Variants in TSPEAR observed in about 807,000 individuals in gnomAD.
TSPEAR encodes thrombospondin type laminin G domain and EAR repeats, also known as thrombospondin-type laminin G domain and EAR repeat-containing protein.
A neutral mutation model predicts 71.6 loss-of-function variants in TSPEAR; 69 were observed. The observed-to-expected ratio is 0.96, with a 90% CI of 0.79 to 1.18. The LOEUF (loss-of-function observed/expected upper bound fraction) is 1.18. TSPEAR is among the 50% of genes most tolerant of loss of function. The probability of loss-of-function intolerance (pLI) is 0.00; values close to 1 mark genes in which losing one functional copy is unlikely to be tolerated. For missense variants in TSPEAR, 971 were observed against 894.9 expected (o/e 1.09, Z -1.09); for synonymous variants, 402 against 387.2 (o/e 1.04, Z -0.45).
chr21:44,625,494 C>T (rs782457494), intron 1 of TSPEAR, among the ~76,000 whole-genome samples: 5 of 152,262 alleles, frequency 3.3e-5, no homozygotes, highest in Admixed American at 6.5e-5. Flanking sequence ...ATGATTGAAG[C>T]GTATCATAAA....
In TSPEAR at chr21:44,509,515, GGGCGCAGA is replaced by G. The variant is rs1555912377; in HGVS notation, c.1567-137_1567-130del. Reference sequence around the variant, plus strand: ...AGGGGGCGCAGAGGTGTGGGGGAGGGGGCGCAGAGGTGTGGGTGAGCGGGCGCAGAGGT... The same window carrying G: ...AGGGGGCGCAGAGGTGTGGGGGAGGGGGTGTGGGTGAGCGGGCGCAGAGGT... On this transcript the variant is annotated intron_variant, in intron 9 of 11. Coordinates refer to ENST00000323084, the MANE Select transcript of TSPEAR (RefSeq NM_144991.3). The G allele has an allele frequency of 9.6e-6, 5 of 520,932 alleles. No homozygotes were observed. The African/African-American group carries it at 1.3e-4, about 13-fold the overall frequency. 32.3% of individuals were successfully genotyped at this position (520,932 alleles called of 1,614,324 possible).
chr21:44,644,355 C>T lies in TSPEAR; in HGVS notation c.82+67078G>A, dbSNP rs188171710. On this transcript the variant is annotated intron_variant, in intron 1 of 11. Coordinates refer to ENST00000323084, the MANE Select transcript of TSPEAR (RefSeq NM_144991.3). ...ACCCTAGACTTCCTGGCTTTCCTAT[C>T]ATCTCCTGAAAGCATCACCAAGTCC... Among the ~76,000 whole-genome samples the T allele has an allele frequency of 8.5e-4, 129 of 152,298 alleles. 1 individual carries two copies. Among genetic ancestry groups the T allele is most frequent in the Middle Eastern group, 3.4e-3 (1 of 294 alleles).
rs186304908 is a variant in TSPEAR at position 44,561,864 on chromosome 21, A to G, written c.303+5921T>C. ...TAAGAGGTATTTATGATAAACCCAT[A>G]GTCAATATCATACTGAATGAGCAAA... is the stretch of plus-strand genomic sequence containing the variant. On this transcript the variant is annotated intron_variant, in intron 2 of 11. Transcript: ENST00000323084. 2.8e-3 allele frequency among the ~76,000 whole-genome samples: 429 copies of G among 152,374 alleles called. 2 individuals are homozygous for G. The highest frequency in any genetic ancestry group is 5.6e-3 in the Admixed American group (86 of 15,310).
intron 1 of TSPEAR, chr21:44,628,269 C>A (rs1398127274): frequency 9.3e-6 from 4 of 430,664 alleles, no homozygotes; most frequent in Non-Finnish European, 1.7e-5. Context: ...TGGCTGCAGA[C>A]CACAACCCTC....
intron 1 of TSPEAR, among the ~76,000 whole-genome samples, chr21:44,680,183 TCAA>T (rs1276709294): frequency 4.0e-5 from 6 of 151,704 alleles, no homozygotes; most frequent in Admixed American, 1.3e-4. Context: ...CTCAAACAAC[TCAA>T]CAACAACAAC....
intron 1 of TSPEAR, among the ~76,000 whole-genome samples, chr21:44,605,625 T>C (rs1180028955): frequency 1.3e-5 from 2 of 152,194 alleles, no homozygotes; most frequent in African/African-American, 4.8e-5. Flanking sequence ...TGGAATGGGA[T>C]AGAAATCCCA....
chr21:44,638,229 C>T, intron 1 of TSPEAR: 3 of 1,559,940 alleles, frequency 1.9e-6, no homozygotes, highest in Admixed American at 1.8e-5. Context: ...TCCCAGCTGC[C>T]CCAGCAAGCT....
intron 1 of TSPEAR, among the ~76,000 whole-genome samples, chr21:44,605,346 A>T (rs1212351788): frequency 6.6e-6 from 1 of 152,222 alleles, no homozygotes; most frequent in Non-Finnish European, 1.5e-5. Context: ...CACGGATTAC[A>T]AGAATTAATA....
intron 1 of TSPEAR, among the ~76,000 whole-genome samples, chr21:44,691,909 A>G (rs564462328): frequency 6.6e-6 from 1 of 152,346 alleles, no homozygotes; most frequent in East Asian, 1.9e-4. Context: ...TCAAAAGAAA[A>G]GAAAATCACA....
chr21:44,544,886 A>G (rs587630116), intron 2 of TSPEAR, among the ~76,000 whole-genome samples: 1 of 152,352 alleles, frequency 6.6e-6, no homozygotes, highest in South Asian at 2.1e-4. Context: ...TCAAGAAGAT[A>G]TACCAATTGT....
chr21:44,539,369 C>G, intron 2 of TSPEAR: 1 of 1,612,602 alleles, frequency 6.2e-7, no homozygotes, highest in Non-Finnish European at 8.5e-7. Flanking sequence ...GCGGCAGCAG[C>G]TGGCCTGGCA....
intron 1 of TSPEAR, among the ~76,000 whole-genome samples, chr21:44,633,780 C>T (rs1176463247): frequency 1.1e-4 from 16 of 152,026 alleles, no homozygotes; most frequent in African/African-American, 3.9e-4. Flanking sequence ...GATCTTTGAT[C>T]TAGTTCTATT....
chr21:44,679,250 G>A (rs1986466022), intron 1 of TSPEAR, among the ~76,000 whole-genome samples: 2 of 152,024 alleles, frequency 1.3e-5, no homozygotes, highest in Non-Finnish European at 2.9e-5. Flanking sequence ...TTGAACTTTG[G>A]GGGTAGGTTT....
chr21:44,666,588 C>A (rs375768219), intron 1 of TSPEAR: 1 of 1,612,714 alleles, frequency 6.2e-7, no homozygotes, highest in African/African-American at 1.3e-5. Flanking sequence ...GGAGGACTGG[C>A]AGGAGGGGGC....
At chr21:44,649,604 G>A (rs1412653009) in intron 1 of TSPEAR, among the ~76,000 whole-genome samples, 5 of 152,168 alleles carry the variant, frequency 3.3e-5, no homozygotes, top group Non-Finnish European at 7.4e-5. Context: ...TGGCTCTGTC[G>A]GGGCAGCCCT....
intron 2 of TSPEAR, chr21:44,558,778 GGAGT>G (rs1220996317): frequency 1.5e-5 from 23 of 1,543,374 alleles, no homozygotes; most frequent in African/African-American, 5.5e-5. Flanking sequence ...AGTGAGTGAG[GGAGT>G]GAGTGAGTGA....
rs1447324198 is a variant in TSPEAR at position 44,513,772 on chromosome 21, G to GGGGA, written c.1567-4390_1567-4387dup. Among the ~76,000 whole-genome samples, 41 of 152,306 alleles carry GGGGA rather than the reference G, an allele frequency of 2.7e-4. 1 individual carries two copies. Among genetic ancestry groups the GGGGA allele is most frequent in the African/African-American group, 9.4e-4 (39 of 41,570 alleles). ...TCTGTGGTCTGGGAATGCCAGGGGAGGGGAGGGAGGCAGGATGCACCCCTG... is the reference window on the plus strand; with the variant it reads ...TCTGTGGTCTGGGAATGCCAGGGGAGGGGAGGGAGGGAGGCAGGATGCACCCCTG... On this transcript the variant is annotated intron_variant, in intron 9 of 11. Coordinates refer to ENST00000323084, the MANE Select transcript of TSPEAR (RefSeq NM_144991.3).
chr21:44,617,047 G>A (rs906815916), intron 1 of TSPEAR, among the ~76,000 whole-genome samples: 29 of 152,106 alleles, frequency 1.9e-4, no homozygotes, highest in Admixed American at 1.8e-3. Context: ...AAAACCCCAA[G>A]GGCCCCAAGC....
chr21:44,516,358 G>C (rs945089809), intron 9 of TSPEAR: 1 of 152,382 alleles, frequency 6.6e-6, no homozygotes, highest in African/African-American at 2.4e-5. Flanking sequence ...AGGCAGAGCT[G>C]CTCCTGCTTA....
Sources: allele counts gnomAD v4.1 joint callset (sites outside exome capture counted in the v4.1 genomes callset), GRCh38; gene constraint gnomAD v4.1.1; transcripts MANE v1.5; gene names NCBI Gene and HGNC (gene_info 2026-07-23, HGNC 2026-07-21).